Variants in CDH12 observed in about 807,000 individuals in gnomAD.
CDH12 encodes cadherin 12.
Under a neutral mutation model 74.1 loss-of-function variants are expected in CDH12, and 41 were observed. The ratio of observed to expected loss-of-function variants is 0.55; its 90% CI spans 0.43 to 0.72. The LOEUF is 0.72. Ranked by LOEUF, CDH12 falls within the 30% of genes least tolerant of loss-of-function variation. The pLI is 0.00. For missense variants in CDH12, 945 were observed against 977.2 expected (o/e 0.97, Z 0.44); for synonymous variants, 399 against 355.0 (o/e 1.12, Z -1.39).
At chr5:22,725,145 C>G (rs1388632336) in intron 1 of CDH12, among the ~76,000 whole-genome samples, 1 of 151,824 alleles carries the variant, frequency 6.6e-6, no homozygotes, top group African/African-American at 2.4e-5. Context: ...AATTTTAGCT[C>G]TATGACATCA....
At chr5:21,876,688 C>T (rs75031814) in intron 6 of CDH12, among the ~76,000 whole-genome samples, 1 of 151,292 alleles carries the variant, frequency 6.6e-6, no homozygotes, top group South Asian at 2.1e-4. Flanking sequence ...TACAATCCAC[C>T]TGTTGCTTCA....
intron 6 of CDH12, among the ~76,000 whole-genome samples, chr5:21,872,921 C>CTATCTATCTATCT (rs1554039681): frequency 2.0e-5 from 3 of 149,602 alleles, no homozygotes; most frequent in South Asian, 2.1e-4. Flanking sequence ...ATCTATCTAT[C>CTATCTATCTATCT]ATCTTCCTAT....
At chr5:21,773,792 G>A (rs1579674898) in intron 11 of CDH12, among the ~76,000 whole-genome samples, 1 of 152,024 alleles carries the variant, frequency 6.6e-6, no homozygotes, top group East Asian at 1.9e-4. Flanking sequence ...GTATACAGTT[G>A]TACTAAGAAA....
intron 6 of CDH12, among the ~76,000 whole-genome samples, chr5:21,913,515 A>G (rs1205720238): frequency 6.6e-6 from 1 of 152,144 alleles, no homozygotes; most frequent in Non-Finnish European, 1.5e-5. Flanking sequence ...TTCCTTCAGT[A>G]ACTTCATATG....
chr5:22,010,500 T>C (rs1338099910), intron 5 of CDH12, among the ~76,000 whole-genome samples: 1 of 152,214 alleles, frequency 6.6e-6, no homozygotes, highest in Non-Finnish European at 1.5e-5. Flanking sequence ...GTTTGCTTCA[T>C]GGAACTCTAT....
At chr5:22,024,725 G>C (rs1306470804) in intron 5 of CDH12, among the ~76,000 whole-genome samples, 1 of 151,938 alleles carries the variant, frequency 6.6e-6, no homozygotes, top group Non-Finnish European at 1.5e-5. Context: ...TATTGGTCAG[G>C]TTGGTCTTGA....
intron 1 of CDH12, among the ~76,000 whole-genome samples, chr5:22,803,076 T>TA (rs1748618813): frequency 1.3e-5 from 2 of 152,148 alleles, no homozygotes; most frequent in African/African-American, 2.4e-5. Flanking sequence ...CTTTCCCACT[T>TA]ACCATCTTGC....
At chr5:22,226,836 G>T (rs976791112) in intron 3 of CDH12, among the ~76,000 whole-genome samples, 2 of 152,038 alleles carry the variant, frequency 1.3e-5, no homozygotes, top group African/African-American at 4.8e-5. Flanking sequence ...TTATGTGAAT[G>T]CAGGGGATGC....
intron 5 of CDH12, among the ~76,000 whole-genome samples, chr5:22,067,747 T>C (rs1034931481): frequency 2.0e-5 from 3 of 152,082 alleles, no homozygotes; most frequent in African/African-American, 7.2e-5. Flanking sequence ...ATATGAAGTA[T>C]CCTTCAAAAG....
chr5:21,798,076 A>T (rs1746892210), intron 10 of CDH12, among the ~76,000 whole-genome samples: 2 of 152,190 alleles, frequency 1.3e-5, no homozygotes, highest in East Asian at 1.9e-4. Flanking sequence ...GTTCACATTT[A>T]AAAAAGACCT....
intron 5 of CDH12, among the ~76,000 whole-genome samples, chr5:21,980,291 T>C (rs1757254034): frequency 6.6e-6 from 1 of 151,974 alleles, no homozygotes; most frequent in African/African-American, 2.4e-5. Flanking sequence ...ATTCTTGCAA[T>C]TCAGTATATT....
At chr5:22,684,186 T>C (rs1311308902) in intron 1 of CDH12, among the ~76,000 whole-genome samples, 1 of 152,130 alleles carries the variant, frequency 6.6e-6, no homozygotes, top group Non-Finnish European at 1.5e-5. Flanking sequence ...TGAGGGTACA[T>C]AGTAGGTGTA....
At chr5:22,615,533 G>T (rs1737650136) in intron 1 of CDH12, among the ~76,000 whole-genome samples, 1 of 152,034 alleles carries the variant, frequency 6.6e-6, no homozygotes, top group South Asian at 2.1e-4. Flanking sequence ...TATAAATGGA[G>T]GCTGCTCTTC....
At chr5:22,645,906 C>T (rs1739411760) in intron 1 of CDH12, among the ~76,000 whole-genome samples, 1 of 151,814 alleles carries the variant, frequency 6.6e-6, no homozygotes, top group African/African-American at 2.4e-5. Flanking sequence ...AATACTATTG[C>T]ATACATAATA....
At chr5:22,223,908 TAGA>T (rs1488827024) in intron 3 of CDH12, among the ~76,000 whole-genome samples, 2 of 151,968 alleles carry the variant, frequency 1.3e-5, no homozygotes, top group Admixed American at 1.3e-4. Context: ...AAAGACATTC[TAGA>T]AGAAACCAGG....
At chr5:22,082,259 A>G (rs1308342553) in intron 4 of CDH12, among the ~76,000 whole-genome samples, 1 of 152,194 alleles carries the variant, frequency 6.6e-6, no homozygotes, top group Non-Finnish European at 1.5e-5. Context: ...TATTAAGTAG[A>G]GAACTTTCAC....
At position 21,963,344 on chromosome 5, in the gene CDH12, CA is replaced by C. The variant is rs200382459; in HGVS notation, c.526+11746del. ...AATTAAATTAAGAGCTTCTGCATAGCAAAAGAAATTATCAACAAATAAGCAG... is the reference window on the plus strand; with the variant it reads ...AATTAAATTAAGAGCTTCTGCATAGCAAAGAAATTATCAACAAATAAGCAG... On this transcript the variant is annotated intron_variant, in intron 6 of 14. Coordinates refer to ENST00000382254, the MANE Select transcript of CDH12 (RefSeq NM_004061.5). Among the ~76,000 whole-genome samples, 1,139 of 152,086 alleles carry C rather than the reference CA, an allele frequency of 7.5e-3. 14 individuals are homozygous for C. The highest frequency in any genetic ancestry group is 0.026 in the African/African-American group (1,085 of 41,506).
chr5:22,614,784 G>T (rs944678776), intron 1 of CDH12, among the ~76,000 whole-genome samples: 3 of 152,026 alleles, frequency 2.0e-5, no homozygotes, highest in African/African-American at 7.2e-5. Flanking sequence ...TAAAATCTTG[G>T]ATAGCACTGA....
At chr5:22,834,654 A>G (rs1396130869) in intron 1 of CDH12, among the ~76,000 whole-genome samples, 1 of 152,170 alleles carries the variant, frequency 6.6e-6, no homozygotes, top group South Asian at 2.1e-4. Context: ...CAATTAATTT[A>G]TTACTAATAT....
Sources: allele counts gnomAD v4.1 joint callset (sites outside exome capture counted in the v4.1 genomes callset), GRCh38; gene constraint gnomAD v4.1.1; transcripts MANE v1.5; gene names NCBI Gene and HGNC (gene_info 2026-07-23, HGNC 2026-07-21).